TBC1D8B: variants seen among roughly 807,000 people sequenced by gnomAD.
TBC1D8B encodes the protein TBC1 domain family member 8B.
In TBC1D8B, 75 loss-of-function variants were observed where a neutral mutation model predicts 82.9. That is an observed-to-expected ratio of 0.90 (90% CI 0.75 to 1.10). The LOEUF (loss-of-function observed/expected upper bound fraction) is 1.10, where lower values mean the gene tolerates loss of function less well. Among genes scored for constraint, TBC1D8B ranks in the 50% least tolerant of loss-of-function variants. The probability of loss-of-function intolerance (pLI) is 0.00; values close to 1 mark genes in which losing one functional copy is unlikely to be tolerated. For synonymous variants in TBC1D8B, 276 were observed against 276.8 expected, an observed-to-expected ratio of 1.00 and a Z score of 0.03; for missense variants, 794 against 796.9, an observed-to-expected ratio of 1.00 and a Z score of 0.04.
Position 106,827,165 on chromosome X carries a change from C to A in TBC1D8B, c.1036-5C>A. The A allele has an allele frequency of 8.3e-7, 1 of 1,207,770 alleles. No homozygotes were observed. Among genetic ancestry groups the A allele is most frequent in the Non-Finnish European group, 1.1e-6 (1 of 893,557 alleles). On this transcript the variant is annotated splice_polypyrimidine_tract_variant and splice_region_variant and intron_variant, in intron 6 of 20. Transcript: ENST00000357242. ...TAATTGACCTCTATGTTTTTCACCC[C>A]CTAGGTCTTAGCTATAGATAAGACA... is the stretch of plus-strand genomic sequence containing the variant.
chrX:106,807,554 G>A (rs5962365), intron 1 of TBC1D8B, among the ~76,000 whole-genome samples: 18,056 of 102,542 alleles, frequency 0.18, 4,152 homozygotes, highest in African/African-American at 0.61. Flanking sequence ...TCTAATGAAA[G>A]AAAAAACAAG....
intron 1 of TBC1D8B, among the ~76,000 whole-genome samples, chrX:106,807,454 C>CT (rs753069652): frequency 0.013 from 1,108 of 85,603 alleles, 9 homozygotes; most frequent in Middle Eastern, 0.024. Context: ...TTACCCTCAC[C>CT]TTTTTTTTTT....
In TBC1D8B at chrX:106,842,511, G is replaced by C. The variant is rs186266341; in HGVS notation, c.1719+1627G>C. On this transcript the variant is annotated intron_variant, in intron 10 of 20. Coordinates refer to ENST00000357242, the MANE Select transcript of TBC1D8B (RefSeq NM_017752.3). ...CACAAGATCATGAAGAATCTTTCAAGCCTGGGAAAAGAATTTAAACTTAAT... is the reference window on the plus strand; with the variant it reads ...CACAAGATCATGAAGAATCTTTCAACCCTGGGAAAAGAATTTAAACTTAAT... Among the ~76,000 whole-genome samples the C allele has an allele frequency of 4.5e-5, 5 of 110,851 alleles. No individual in the cohort carries two copies. In the East Asian group the frequency reaches 1.1e-3, roughly 25 times the overall value.
Position 106,865,682 on chromosome X carries a change from T to G in TBC1D8B, c.2421+55T>G, listed in dbSNP as rs750006910. 123 of 1,085,551 alleles carry G rather than the reference T, an allele frequency of 1.1e-4. 1 individual carries two copies. The African/African-American group carries it at 2.0e-3, about 18-fold the overall frequency. 89.5% of individuals were successfully genotyped at this position (1,085,551 alleles called of 1,213,427 possible). ...AATGCTTTTTTTTAGCAGAATTGTA[T>G]CACAGCCATTCTAATTATTTTTATC... On this transcript the variant is annotated intron_variant, in intron 15 of 20. Coordinates refer to ENST00000357242, the MANE Select transcript of TBC1D8B (RefSeq NM_017752.3).
At chrX:106,817,947 C>G (rs772761874) in intron 1 of TBC1D8B, among the ~76,000 whole-genome samples, 1 of 110,330 alleles carries the variant, frequency 9.1e-6, no homozygotes, top group Admixed American at 9.7e-5. Flanking sequence ...AAACAGTGAA[C>G]TTTGTTCTAG....
chrX:106,820,850 G>A (rs1931674186), intron 2 of TBC1D8B, 27 bp from the exon 3 acceptor site: 1 of 1,026,985 alleles, frequency 9.7e-7, no homozygotes, highest in East Asian at 3.2e-5. Flanking sequence ...TTCCTTAAGT[G>A]TTTTATTTTC....
rs1283659826 is a variant in TBC1D8B at position 106,823,442 on chromosome X, A to G, written c.803A>G (p.Tyr268Cys). 5 of 1,208,192 alleles carry G rather than the reference A, an allele frequency of 4.1e-6. No homozygotes were observed. The highest frequency in any genetic ancestry group is 1.7e-5 in the African/African-American group (1 of 57,221). ...ACATTTGATAATGACCCAGTCCTTT[A>G]TAATCCTCTACAGATCACCAAAAGG... The part of the protein sequence containing the change: ...KETFDNDPVL[Y>C]NPLQITKRGL... Residue 268 changes from tyrosine to cysteine, a missense_variant, in exon 5 of 21, where the codon TAT becomes TGT. Tyr to Cys is a radical substitution (Grantham distance 194, BLOSUM62 -2). Transcript: ENST00000357242.
chrX:106,825,186 T>C (rs1218523182), intron 5 of TBC1D8B, among the ~76,000 whole-genome samples: 1 of 111,869 alleles, frequency 8.9e-6, no homozygotes, highest in Non-Finnish European at 1.9e-5. Flanking sequence ...TTAACATGGT[T>C]GTGTTTTTCT....
At position 106,868,433 on chromosome X, in the gene TBC1D8B, T is replaced by C; in HGVS notation, c.2769T>C (p.Asp923=). 1 of 1,004,157 alleles carries C rather than the reference T, an allele frequency of 1.0e-6. No homozygotes were observed. The highest frequency in any genetic ancestry group is 1.3e-6 in the Non-Finnish European group (1 of 782,165). The allele number at this position is 1,004,157 out of a possible 1,213,427, so 82.8% of individuals were successfully genotyped here. ...AATCTAAGGATGCTTCAAAAGGAGA[T>C]GAACTTTCCAAGGAAGAATTACTTT... The part of the protein sequence containing the change: ...EVKSKDASKG[D]ELSKEELLYF... The change falls in exon 18 of 21, where the codon GAT becomes GAC. Residue 923 remains aspartate, a synonymous_variant. Coordinates refer to ENST00000357242, the MANE Select transcript of TBC1D8B (RefSeq NM_017752.3).
chrX:106,850,795 T>C (rs758536234), intron 12 of TBC1D8B, among the ~76,000 whole-genome samples: 21 of 111,880 alleles, frequency 1.9e-4, no homozygotes, highest in Non-Finnish European at 3.8e-4. Context: ...CATTTGTATA[T>C]GCTAAATGAA....
intron 1 of TBC1D8B, among the ~76,000 whole-genome samples, chrX:106,808,290 C>T (rs1254312195): frequency 9.0e-6 from 1 of 111,440 alleles, no homozygotes; most frequent in African/African-American, 3.3e-5. Flanking sequence ...TACCTCACAG[C>T]ATTTTTTATG....
chrX:106,812,539 C>T (rs1386248471), intron 1 of TBC1D8B, among the ~76,000 whole-genome samples: 2 of 111,405 alleles, frequency 1.8e-5, no homozygotes, highest in African/African-American at 3.3e-5. Context: ...ACACAGTGCC[C>T]TCAATCCAGT....
chrX:106,868,246 A>G (rs1309721232), intron 17 of TBC1D8B, 147 bp from the exon 18 acceptor site: 2 of 271,810 alleles, frequency 7.4e-6, no homozygotes, highest in Non-Finnish European at 1.3e-5. Flanking sequence ...ACAGTAGAGT[A>G]GAACCACTTC....
intron 1 of TBC1D8B, chrX:106,815,164 G>T (rs774566514): frequency 2.1e-4 from 24 of 112,128 alleles, no homozygotes; most frequent in African/African-American, 7.8e-4. Flanking sequence ...TTCTTCTAGG[G>T]TTTTTATGGT....
chrX:106,822,017 A>G lies in TBC1D8B; in HGVS notation c.401A>G (p.Glu134Gly), dbSNP rs746350770. 7.4e-6 allele frequency: 9 copies of G among 1,210,988 alleles called. No homozygotes were observed. The highest frequency in any genetic ancestry group is 1.0e-5 in the Non-Finnish European group (9 of 894,941). The change falls in exon 4 of 21, where the codon GAA (glutamate) becomes GGA (glycine). Residue 134 changes from glutamate (E) to glycine (G), a missense_variant. Coordinates refer to ENST00000357242, the MANE Select transcript of TBC1D8B (RefSeq NM_017752.3). ...GAGGGAAAACATTGTTTTGCAAAAG[A>G]AGATGATCCTGAGAAATTTCGAGAA... ...AEEGKHCFAK[E>G]DDPEKFREAL...
At position 106,870,729 on chromosome X, in the gene TBC1D8B, T is replaced by C. The variant is rs150683595; in HGVS notation, c.2883T>C (p.Ile961=). ...CCCTTTCTTCAGGCAAAGGGAAAAT[T>C]GATATTCAAGCATATCTAAGTCAAT... is the stretch of plus-strand genomic sequence containing the variant. ...KHSPEKGKGK[I]DIQAYLSQWQ... is the part of the protein sequence containing the mutation. The change falls in exon 20 of 21, where the codon ATT becomes ATC. Residue 961 remains isoleucine (I), a synonymous_variant. Coordinates refer to ENST00000357242, the MANE Select transcript of TBC1D8B (RefSeq NM_017752.3). 5 of 1,199,530 alleles carry C rather than the reference T, an allele frequency of 4.2e-6. No homozygotes were observed. The African/African-American group carries it at 8.8e-5, about 21-fold the overall frequency.
At chrX:106,843,794 G>A (rs752890336) in intron 10 of TBC1D8B, among the ~76,000 whole-genome samples, 5 of 109,925 alleles carry the variant, frequency 4.5e-5, no homozygotes, top group African/African-American at 1.6e-4. Flanking sequence ...GATCAATTTC[G>A]GGAGTATTTC....
intron 14 of TBC1D8B, among the ~76,000 whole-genome samples, chrX:106,863,116 G>A (rs1932790502): frequency 8.9e-6 from 1 of 112,139 alleles, no homozygotes; most frequent in Non-Finnish European, 1.9e-5. Flanking sequence ...CCGTGGCAGC[G>A]TGGCAGCATA....
intron 6 of TBC1D8B, among the ~76,000 whole-genome samples, chrX:106,826,598 T>A (rs1322743957): frequency 1.3e-5 from 1 of 74,854 alleles, no homozygotes; most frequent in African/African-American, 5.3e-5. Flanking sequence ...CAGGCCCTGG[T>A]GTGTGATGTT....
Sources: gnomAD v4.1 joint callset for allele counts (sites outside exome capture counted in the v4.1 genomes callset) on GRCh38, gnomAD v4.1.1 for gene constraint, MANE v1.5 for transcripts, NCBI Gene and HGNC (gene_info 2026-07-23, HGNC 2026-07-21) for gene names.